The following CIMIP6 variants were observed in gnomAD, a reference collection of about 807,000 sequenced individuals.
CIMIP6 encodes ciliary microtubule inner protein 6.
chr2:54,333,828 G>A, the CIMIP6 span, among the ~76,000 whole-genome samples: 1 of 152,142 alleles, frequency 6.6e-6, no homozygotes, highest in Non-Finnish European at 1.5e-5. Flanking sequence ...GGGAGGCAGA[G>A]GTTGCAGTGA....
chr2:54,381,881 G>C, the CIMIP6 span: 1 of 1,550,106 alleles, frequency 6.5e-7, no homozygotes, highest in Non-Finnish European at 8.7e-7. Flanking sequence ...GACTGTAACA[G>C]TGGTCCTGTG....
At chr2:54,342,103 C>A in the CIMIP6 span, among the ~76,000 whole-genome samples, 8 of 152,092 alleles carry the variant, frequency 5.3e-5, no homozygotes, top group Admixed American at 2.0e-4. Flanking sequence ...TTACAATTAC[C>A]AATTATTCCA....
chr2:54,351,067 TTCAAG>T, the CIMIP6 span, among the ~76,000 whole-genome samples: 20 of 152,364 alleles, frequency 1.3e-4, no homozygotes, highest in South Asian at 3.5e-3. Context: ...AAAAATATGT[TTCAAG>T]TCTTTAATTT....
the CIMIP6 span, among the ~76,000 whole-genome samples, chr2:54,373,486 A>C: frequency 6.6e-6 from 1 of 152,080 alleles, no homozygotes; most frequent in Non-Finnish European, 1.5e-5. Flanking sequence ...TCGCTTTTGC[A>C]ACACTTCCTG....
chr2:54,348,862 G>A, the CIMIP6 span, among the ~76,000 whole-genome samples: 1 of 152,156 alleles, frequency 6.6e-6, no homozygotes, highest in African/African-American at 2.4e-5. Flanking sequence ...ATGTTATCTT[G>A]TGCCGACAAT....
At chr2:54,357,750 T>TTC in the CIMIP6 span, among the ~76,000 whole-genome samples, 1 of 151,080 alleles carries the variant, frequency 6.6e-6, no homozygotes, top group African/African-American at 2.4e-5. Context: ...CTAATTTTTT[T>TTC]TTTTTTTGTA....
chr2:54,348,952 A>G, the CIMIP6 span, among the ~76,000 whole-genome samples: 2 of 152,226 alleles, frequency 1.3e-5, no homozygotes, highest in Admixed American at 6.5e-5. Context: ...GCTATGCTCC[A>G]TCATATTTGA....
chr2:54,365,670 G>C, the CIMIP6 span, among the ~76,000 whole-genome samples: 3 of 152,198 alleles, frequency 2.0e-5, no homozygotes, highest in Admixed American at 6.5e-5. Context: ...TGCCAGTGCT[G>C]TGCTTCCTGA....
the CIMIP6 span, among the ~76,000 whole-genome samples, chr2:54,375,106 C>T: frequency 1.3e-5 from 2 of 152,082 alleles, no homozygotes; most frequent in African/African-American, 4.8e-5. Context: ...AACAAGACCC[C>T]AAACCCAGAA....
At chr2:54,358,611 C>A in the CIMIP6 span, among the ~76,000 whole-genome samples, 1 of 152,216 alleles carries the variant, frequency 6.6e-6, no homozygotes. Context: ...CCAGGCTAGT[C>A]CTCAAACTCC....
At chr2:54,368,547 C>T in the CIMIP6 span, among the ~76,000 whole-genome samples, 8 of 152,202 alleles carry the variant, frequency 5.3e-5, no homozygotes, top group African/African-American at 1.9e-4. Context: ...CTTCTAAGAC[C>T]TTGGAATGTC....
At chr2:54,355,033 G>A in the CIMIP6 span, among the ~76,000 whole-genome samples, 1 of 151,858 alleles carries the variant, frequency 6.6e-6, no homozygotes, top group Non-Finnish European at 1.5e-5. Context: ...GTCTGTTTTG[G>A]GGGGAAATCA....
chr2:54,376,993 A>G, the CIMIP6 span, among the ~76,000 whole-genome samples: 1 of 152,196 alleles, frequency 6.6e-6, no homozygotes, highest in African/African-American at 2.4e-5. Context: ...TCTGAAGAAC[A>G]GTCTTTACTT....
the CIMIP6 span, among the ~76,000 whole-genome samples, chr2:54,355,715 T>A: frequency 6.6e-6 from 1 of 152,156 alleles, no homozygotes; most frequent in African/African-American, 2.4e-5. Context: ...CTAGACCATG[T>A]ATTTTTTTGT....
At chr2:54,336,556 T>C in the CIMIP6 span, among the ~76,000 whole-genome samples, 1 of 152,148 alleles carries the variant, frequency 6.6e-6, no homozygotes, top group African/African-American at 2.4e-5. Context: ...AAAATATTTT[T>C]GTCAGTTACT....
chr2:54,348,905 A>T, the CIMIP6 span, among the ~76,000 whole-genome samples: 4 of 152,150 alleles, frequency 2.6e-5, no homozygotes, highest in South Asian at 6.2e-4. Context: ...TACCACACAC[A>T]ATTTCCTGGC....
chr2:54,360,269 G>C, the CIMIP6 span: 2 of 1,612,260 alleles, frequency 1.2e-6, no homozygotes, highest in Non-Finnish European at 8.5e-7. Context: ...TAAAGGAGCA[G>C]AGGTATTACT....
the CIMIP6 span, among the ~76,000 whole-genome samples, chr2:54,371,704 C>T: frequency 6.6e-6 from 1 of 152,236 alleles, no homozygotes; most frequent in South Asian, 2.1e-4. Context: ...CCTGGGAGGA[C>T]AGCTTCAGTG....
chr2:54,352,552 T>A, the CIMIP6 span, among the ~76,000 whole-genome samples: 1 of 152,198 alleles, frequency 6.6e-6, no homozygotes, highest in Non-Finnish European at 1.5e-5. Flanking sequence ...ATTATTTTTA[T>A]GGTGAGAACA....
Sources: allele counts gnomAD v4.1 joint callset (sites outside exome capture counted in the v4.1 genomes callset), GRCh38; gene constraint gnomAD v4.1.1; transcripts MANE v1.5; gene names NCBI Gene and HGNC (gene_info 2026-07-23, HGNC 2026-07-21).